The following MYPN variants were observed in gnomAD, a reference collection of about 807,000 sequenced individuals.
The protein encoded by MYPN is sarcomeric protein myopalladin, 145 kDa (MYOP).
A neutral mutation model predicts 129.4 loss-of-function variants in MYPN; 63 were observed. The ratio of observed to expected loss-of-function variants is 0.49; its 90% CI spans 0.40 to 0.60. MYPN has a LOEUF of 0.60. MYPN is among the 20% of genes least tolerant of loss of function. The probability of loss-of-function intolerance (pLI) is 0.00; values close to 1 mark genes in which losing one functional copy is unlikely to be tolerated. For synonymous variants in MYPN, 629 were observed against 600.9 expected (o/e 1.05, Z -0.68); for missense variants, 1,596 against 1,635.4 (o/e 0.98, Z 0.42).
intron 17 of MYPN, among the ~76,000 whole-genome samples, chr10:68,200,595 T>C (rs1019286414): frequency 1.3e-5 from 2 of 151,962 alleles, no homozygotes; most frequent in Non-Finnish European, 2.9e-5. Flanking sequence ...CCATCTCTAC[T>C]ACAAATACAA....
chr10:68,166,143 A>T (rs1426901141), intron 9 of MYPN, 151 bp from the exon 10 acceptor site: 1 of 893,422 alleles, frequency 1.1e-6, no homozygotes. Context: ...CTGTATCCTT[A>T]CCATTCTTTA....
rs184429934 is a variant in MYPN, at chr10:68,177,176, T to C, written c.2703+1715T>C. Among the ~76,000 whole-genome samples the C allele has an allele frequency of 3.3e-5, 5 of 152,362 alleles. No homozygotes were observed. In the East Asian group the frequency reaches 9.6e-4, roughly 29 times the overall value. On this transcript the variant is annotated intron_variant, in intron 12 of 19. Transcript: ENST00000358913. ...TTCTCTTAGTTACCTGACATGTGTG[T>C]ACATGTAAACGTGAAATTCCACAAG...
intron 6 of MYPN, among the ~76,000 whole-genome samples, chr10:68,150,566 A>C (rs924288898): frequency 3.3e-5 from 5 of 152,196 alleles, no homozygotes; most frequent in African/African-American, 1.2e-4. Flanking sequence ...CATAGTATCA[A>C]CTGTTGAGGT....
intron 14 of MYPN, 110 bp downstream of exon 14, chr10:68,194,622 G>A: frequency 1.6e-6 from 2 of 1,251,548 alleles, no homozygotes; most frequent in Non-Finnish European, 2.3e-6. Context: ...TGAGGAAAAT[G>A]AATGAGAAGC....
chr10:68,092,201 A>G (rs2041934218), intron 1 of MYPN, among the ~76,000 whole-genome samples: 1 of 152,134 alleles, frequency 6.6e-6, no homozygotes, highest in Non-Finnish European at 1.5e-5. Flanking sequence ...TAAGAAATGT[A>G]TGTTGTTGGC....
chr10:68,122,143 G>A lies in MYPN; in HGVS notation c.705G>A (p.Arg235=). ...CCCTGGAACAGCAGGAAGCCAAGAG[G>A]CGTGAAGCGGAGCAGGCTGCCAGTG... ...NHALEQQEAK[R]REAEQAASEA... The change falls in exon 2 of 20, where the codon AGG becomes AGA. Residue 235 remains arginine (R), a synonymous_variant. Coordinates refer to ENST00000358913, the MANE Select transcript of MYPN (RefSeq NM_032578.4). 6.2e-7 allele frequency: 1 copy of A among 1,613,284 alleles called. No individual in the cohort carries two copies. The highest frequency in any genetic ancestry group is 8.5e-7 in the Non-Finnish European group (1 of 1,179,442).
intron 4 of MYPN, among the ~76,000 whole-genome samples, chr10:68,146,571 T>A (rs2042670270): frequency 6.6e-6 from 1 of 152,246 alleles, no homozygotes; most frequent in African/African-American, 2.4e-5. Flanking sequence ...TCAAATTAAC[T>A]GTGACTTAAA....
At chr10:68,159,908 T>C (rs1392952944) in intron 7 of MYPN, among the ~76,000 whole-genome samples, 1 of 152,256 alleles carries the variant, frequency 6.6e-6, no homozygotes, top group Non-Finnish European at 1.5e-5. Context: ...GAAATATATA[T>C]ACATTGTGGA....
intron 2 of MYPN, among the ~76,000 whole-genome samples, chr10:68,139,327 C>G (rs546270952): frequency 6.6e-6 from 1 of 152,190 alleles, no homozygotes; most frequent in East Asian, 1.9e-4. Context: ...TCTTCTTTGA[C>G]TAATATCCCC....
intron 2 of MYPN, among the ~76,000 whole-genome samples, chr10:68,131,041 G>T (rs944991536): frequency 2.6e-5 from 4 of 152,024 alleles, no homozygotes; most frequent in African/African-American, 7.3e-5. Context: ...AGGATTTTTG[G>T]CCTTTCTTGC....
intron 2 of MYPN, among the ~76,000 whole-genome samples, chr10:68,142,152 T>G (rs1023000435): frequency 6.6e-6 from 1 of 152,246 alleles, no homozygotes; most frequent in African/African-American, 2.4e-5. Context: ...TCACAGGGTT[T>G]ATGCCATTCA....
chr10:68,122,028 CCA>C lies in MYPN; in HGVS notation c.591_592del (p.Ser198PhefsTer24), dbSNP rs757203480. On this transcript the variant is annotated frameshift_variant, in exon 2 of 20. Transcript: ENST00000358913. LOFTEE classifies it high-confidence loss of function. Reference sequence around the variant, plus strand: ...AACAAAGTTATGCAGGAAAACAGCTCCAGTTTCTCAGATCTGTCAGAAAGACG... The same window carrying C: ...AACAAAGTTATGCAGGAAAACAGCTCGTTTCTCAGATCTGTCAGAAAGACG... 6.2e-7 allele frequency: 1 copy of C among 1,614,192 alleles called. No individual in the cohort carries two copies. Among genetic ancestry groups the C allele is most frequent in the East Asian group, 2.2e-5 (1 of 44,888 alleles).
Position 68,174,253 on chromosome 10 carries a change from G to A in MYPN, c.2161G>A (p.Ala721Thr). Reference protein sequence around the residue: ...KAPSSQTFSLARPKYFFPSTN... With the variant: ...KAPSSQTFSLTRPKYFFPSTN... ...TCCTTCATCACAGACGTTCAGCTTG[G>A]CCCGGCCGAAGTATTTCTTCCCCTC... Residue 721 changes from alanine (A) to threonine (T), a missense_variant, in exon 11 of 20, where the codon GCC becomes ACC. Coordinates refer to ENST00000358913, the MANE Select transcript of MYPN (RefSeq NM_032578.4). 6.2e-7 allele frequency: 1 copy of A among 1,614,026 alleles called. No individual in the cohort carries two copies. Among genetic ancestry groups the A allele is most frequent in the Non-Finnish European group, 8.5e-7 (1 of 1,180,012 alleles).
chr10:68,092,442 C>T (rs899350714), intron 1 of MYPN, among the ~76,000 whole-genome samples: 5 of 151,764 alleles, frequency 3.3e-5, no homozygotes, highest in Non-Finnish European at 5.9e-5. Context: ...TTGCAGTGAG[C>T]CGAGATTGAG....
At chr10:68,129,685 G>A (rs574015570) in intron 2 of MYPN, among the ~76,000 whole-genome samples, 11 of 152,188 alleles carry the variant, frequency 7.2e-5, no homozygotes, top group African/African-American at 2.2e-4. Context: ...CATTCCCACC[G>A]ACATTGTGTA....
chr10:68,165,386 A>C, intron 8 of MYPN: 1 of 452,246 alleles, frequency 2.2e-6, no homozygotes, highest in East Asian at 6.6e-5. Flanking sequence ...TGGGAGGCGG[A>C]GGTTGCAGTG....
At chr10:68,136,201 T>C in intron 2 of MYPN, 1 of 986,052 alleles carries the variant, frequency 1.0e-6, no homozygotes, top group Non-Finnish European at 1.2e-6. Flanking sequence ...CTTCCTTCTT[T>C]CTTCCCAGGC....
intron 2 of MYPN, among the ~76,000 whole-genome samples, chr10:68,140,902 A>T (rs56869389): frequency 0.098 from 14,953 of 152,076 alleles, 871 homozygotes; most frequent in Admixed American, 0.16. Flanking sequence ...GCAAAACACG[A>T]ATCTACTAAA....
chr10:68,151,681 CA>C (rs1426752327), intron 6 of MYPN, among the ~76,000 whole-genome samples: 2 of 152,166 alleles, frequency 1.3e-5, no homozygotes, highest in African/African-American at 2.4e-5. Context: ...AGCTAAACCA[CA>C]AGATAGTTTA....
Sources: allele counts gnomAD v4.1 joint callset (sites outside exome capture counted in the v4.1 genomes callset), GRCh38; gene constraint gnomAD v4.1.1; transcripts MANE v1.5; gene names NCBI Gene and HGNC (gene_info 2026-07-23, HGNC 2026-07-21).